Variants in LARP1 observed in about 807,000 individuals in gnomAD.
LARP1 encodes the protein La ribonucleoprotein 1, translational regulator, also known as la-related protein 1.
A neutral mutation model predicts 122.7 loss-of-function variants in LARP1; 36 were observed. That is an observed-to-expected ratio of 0.29 (90% CI 0.22 to 0.39). LARP1 has a LOEUF of 0.39. LARP1 is among the 10% of genes least tolerant of loss of function. The pLI is 1.00. For synonymous variants in LARP1, 539 were observed against 528.7 expected (o/e 1.02, Z -0.27); for missense variants, 1,040 against 1,403.6 (o/e 0.74, Z 4.14).
chr5:154,754,982 T>A (rs889906815), upstream of LARP1, among the ~76,000 whole-genome samples: 1 of 152,096 alleles, frequency 6.6e-6, no homozygotes, highest in Non-Finnish European at 1.5e-5. Context: ...CCGGGTCCCA[T>A]GTGCTCCACC....
chr5:154,717,842 G>A (rs1182953390), intron 1 of LARP1, among the ~76,000 whole-genome samples: 2 of 152,048 alleles, frequency 1.3e-5, no homozygotes, highest in African/African-American at 4.8e-5. Flanking sequence ...GTGTAGCCCA[G>A]GTGAGAATGT....
intron 1 of LARP1, among the ~76,000 whole-genome samples, chr5:154,723,174 G>C (rs1315674497): frequency 6.6e-6 from 1 of 152,210 alleles, no homozygotes; most frequent in Non-Finnish European, 1.5e-5. Flanking sequence ...AACTGATCCA[G>C]GACTGATTTA....
At position 154,804,188 on chromosome 5, in the gene LARP1, C is replaced by G; in HGVS notation, c.2440-13C>G. The G allele has an allele frequency of 6.2e-7, 1 of 1,607,418 alleles. No homozygotes were observed. On this transcript the variant is annotated splice_polypyrimidine_tract_variant and intron_variant, in intron 13 of 18. Coordinates refer to ENST00000518297, the MANE Select transcript of LARP1 (RefSeq NM_033551.3). ...AGTACAAACAGTAACAAACCCTGGGCTAACCTTTGCAGATGCCTCGAAAAA... is the reference window on the plus strand; with the variant it reads ...AGTACAAACAGTAACAAACCCTGGGGTAACCTTTGCAGATGCCTCGAAAAA...
chr5:154,711,504 A>G (rs1245161218), upstream of LARP1, among the ~76,000 whole-genome samples: 3 of 152,152 alleles, frequency 2.0e-5, no homozygotes, highest in East Asian at 5.8e-4. Flanking sequence ...TACAGAGTGG[A>G]AGAAGCATGA....
intron 1 of LARP1, among the ~76,000 whole-genome samples, chr5:154,722,893 C>T (rs1200496538): frequency 1.3e-5 from 2 of 152,148 alleles, no homozygotes; most frequent in African/African-American, 2.4e-5. Flanking sequence ...GTTGGCCAGC[C>T]TGGTCTCAAA....
At chr5:154,810,646 C>T (rs1188365457) in intron 16 of LARP1, among the ~76,000 whole-genome samples, 1 of 151,884 alleles carries the variant, frequency 6.6e-6, no homozygotes. Context: ...CACCACCACA[C>T]CTGGCTAATT....
At position 154,713,060 on chromosome 5, in the gene LARP1, G is replaced by A. The variant is rs1041297330; in HGVS notation, c.135G>A (p.Pro45=). ...ACAGCGTGGCCTTGGCAGCTGCCCCGAGGAAGGAGCCCACAGGTGACAGGG... is the reference window on the plus strand; with the variant it reads ...ACAGCGTGGCCTTGGCAGCTGCCCCAAGGAAGGAGCCCACAGGTGACAGGG... Residue 45 remains proline (P), a synonymous_variant, in exon 1 of 19, where the codon CCG becomes CCA. Coordinates refer to the LARP1 transcript ENST00000336314. The A allele has an allele frequency of 9.3e-6, 15 of 1,614,014 alleles. No homozygotes were observed. The African/African-American group carries it at 1.2e-4, about 13-fold the overall frequency.
rs191088613 is a variant in LARP1, at chr5:154,773,206, C to T, written c.436+17013C>T. On this transcript the variant is annotated intron_variant, in intron 1 of 18. Transcript: ENST00000518297. ...CTCAGAATATCTTATACTGTACTCA[C>T]GTATTTTGGGGTCTCAGTTGACCAT... Among the ~76,000 whole-genome samples the T allele has an allele frequency of 2.6e-5, 4 of 152,100 alleles. No homozygotes were observed. The East Asian group carries it at 5.8e-4, about 22-fold the overall frequency.
chr5:154,689,009 A>G (rs1354476991), intron 1 of LARP1, among the ~76,000 whole-genome samples: 2 of 152,270 alleles, frequency 1.3e-5, no homozygotes, highest in Non-Finnish European at 2.9e-5. Flanking sequence ...TTTCCAAGTT[A>G]TTAAATATGT....
At chr5:154,808,872 T>G (rs1020855011) in intron 16 of LARP1, among the ~76,000 whole-genome samples, 2 of 152,216 alleles carry the variant, frequency 1.3e-5, no homozygotes, top group African/African-American at 4.8e-5. Flanking sequence ...TAGAATCTTG[T>G]GGGTCCTTTA....
At position 154,800,060 on chromosome 5, in the gene LARP1, C is replaced by G. The variant is rs370798001; in HGVS notation, c.1716+18C>G. Reference sequence around the variant, plus strand: ...GGCCCAAGGTGGGTGAGGCCTTGTCCCTTGCCTTGGTTCTAGCACTCTGAG... The same window carrying G: ...GGCCCAAGGTGGGTGAGGCCTTGTCGCTTGCCTTGGTTCTAGCACTCTGAG... On this transcript the variant is annotated intron_variant, in intron 10 of 18. Coordinates refer to ENST00000518297, the MANE Select transcript of LARP1 (RefSeq NM_033551.3). 19 of 1,610,608 alleles carry G rather than the reference C, an allele frequency of 1.2e-5. No homozygotes were observed. The highest frequency in any genetic ancestry group is 1.6e-5 in the Non-Finnish European group (19 of 1,178,628).
Position 154,764,595 on chromosome 5 carries a change from C to CAAA in LARP1, c.436+8425_436+8427dup, listed in dbSNP as rs1158921641. Among the ~76,000 whole-genome samples the CAAA allele has an allele frequency of 8.0e-3, 358 of 44,634 alleles. 16 individuals are homozygous for CAAA. The highest frequency in any genetic ancestry group is 0.035 in the East Asian group (42 of 1,210). The allele number at this position is 44,634 out of a possible 152,430, so 29.3% of individuals were successfully genotyped here. ...TAGGCAATGCAGTGAGACCATGTCT[C>CAAA]AAAAAAAAAAAAAAAAAAAAAAAAA... On this transcript the variant is annotated intron_variant, in intron 1 of 18. Transcript: ENST00000518297.
chr5:154,814,594 G>A lies in LARP1; in HGVS notation c.*498G>A, dbSNP rs1759544092. ...GCTCTGGTGGTACCTCTGGGCCCCA[G>A]GAGCATCAGCCCCTTGATCATCTGG... On this transcript the variant is annotated 3_prime_UTR_variant, in exon 19 of 19. Coordinates refer to ENST00000518297, the MANE Select transcript of LARP1 (RefSeq NM_033551.3). 6.5e-6 allele frequency: 1 copy of A among 152,672 alleles called. No individual in the cohort carries two copies. Among genetic ancestry groups the A allele is most frequent in the South Asian group, 2.1e-4 (1 of 4,822 alleles). The allele number at this position is 152,672 out of a possible 1,614,324, so 9.5% of individuals were successfully genotyped here.
intron 15 of LARP1, among the ~76,000 whole-genome samples, chr5:154,806,381 G>A (rs1226732840): frequency 1.3e-5 from 2 of 152,186 alleles, no homozygotes; most frequent in East Asian, 1.9e-4. Flanking sequence ...GGTGACATAT[G>A]CTCTCTAGAA....
In LARP1 at chr5:154,805,874, T is replaced by C; in HGVS notation, c.2547-7T>C. 6.2e-7 allele frequency: 1 copy of C among 1,611,932 alleles called. No individual in the cohort carries two copies. Among genetic ancestry groups the C allele is most frequent in the South Asian group, 1.1e-5 (1 of 90,854 alleles). ...CCTGGTGACAGTATTTTTTGTGGTTTCTGTAGCTCCAGCCCCTCAGAAGGG... is the reference window on the plus strand; with the variant it reads ...CCTGGTGACAGTATTTTTTGTGGTTCCTGTAGCTCCAGCCCCTCAGAAGGG... On this transcript the variant is annotated splice_polypyrimidine_tract_variant and splice_region_variant and intron_variant, in intron 14 of 18. Transcript: ENST00000518297.
Position 154,756,158 on chromosome 5 carries a change from C to G in LARP1, c.401C>G (p.Pro134Arg), listed in dbSNP as rs1582296868. The G allele has an allele frequency of 1.5e-6, 2 of 1,315,382 alleles. No individual in the cohort carries two copies. The highest frequency in any genetic ancestry group is 6.6e-5 in the East Asian group (1 of 15,148). 81.5% of individuals were successfully genotyped at this position (1,315,382 alleles called of 1,614,324 possible). A position where few individuals can be genotyped will look rare whatever the true frequency, so the allele number is the denominator to read the frequency against. ...VNPWTKNALP[P>R]VLTTVNGQSP... ...CCGTGGACTAAGAACGCATTGCCGC[C>G]GGTCCTGACCACCGTGAACGGACAG... The change falls in exon 1 of 19, where the codon CCG becomes CGG. Residue 134 changes from proline to arginine, a missense_variant. This residue lies in a region of LARP1 where 257 missense variants were observed against 273.3 expected (regional missense o/e 0.94). Transcript: ENST00000518297.
At chr5:154,694,889 C>CT (rs890643718) in intron 1 of LARP1, among the ~76,000 whole-genome samples, 26 of 151,618 alleles carry the variant, frequency 1.7e-4, no homozygotes, top group South Asian at 1.7e-3. Context: ...TTTTCTTTCC[C>CT]TTTTTTTTGT....
At chr5:154,761,710 G>T (rs1754463178) in intron 1 of LARP1, among the ~76,000 whole-genome samples, 1 of 152,196 alleles carries the variant, frequency 6.6e-6, no homozygotes, top group Non-Finnish European at 1.5e-5. Flanking sequence ...TTCAAGAAAG[G>T]AAGTAAGTTT....
intron 1 of LARP1, chr5:154,685,943 CT>C (rs1266202709): frequency 1.3e-5 from 6 of 475,144 alleles, no homozygotes; most frequent in Admixed American, 8.0e-5. Flanking sequence ...TCGGTTAATC[CT>C]CCTTTGCCTG....
Sources: gnomAD v4.1 joint callset for allele counts (sites outside exome capture counted in the v4.1 genomes callset) on GRCh38, gnomAD v4.1.1 for gene constraint, gnomAD v4.1.1 regional missense constraint, MANE v1.5 for transcripts, NCBI Gene and HGNC (gene_info 2026-07-23, HGNC 2026-07-21) for gene names.